Variants in CSMD1 observed in about 807,000 individuals in gnomAD.
The protein encoded by CSMD1 is CUB and sushi domain-containing protein 1.
In CSMD1, 213 loss-of-function variants were observed where a neutral mutation model predicts 417.5. The ratio of observed to expected loss-of-function variants is 0.51; its 90% CI spans 0.46 to 0.57. The LOEUF (loss-of-function observed/expected upper bound fraction) is 0.57, where lower values mean the gene tolerates loss of function less well. Among genes scored for constraint, CSMD1 ranks in the 20% least tolerant of loss-of-function variants. The pLI, the probability that CSMD1 is intolerant of heterozygous loss-of-function variation, is 0.00. For missense variants in CSMD1, 6,923 were observed against 4,529.7 expected, an observed-to-expected ratio of 1.53 and a Z score of -15.17; for synonymous variants, 2,862 against 1,736.8, an observed-to-expected ratio of 1.65 and a Z score of -16.11.
chr8:3,984,739 A>G (rs1245142743), intron 5 of CSMD1, among the ~76,000 whole-genome samples: 1 of 109,780 alleles, frequency 9.1e-6, no homozygotes, highest in Non-Finnish European at 1.9e-5. Flanking sequence ...ATATATATAT[A>G]TATATATATA....
chr8:4,024,809 CTGAG>C (rs1445889910), intron 4 of CSMD1, among the ~76,000 whole-genome samples: 2 of 152,168 alleles, frequency 1.3e-5, no homozygotes, highest in African/African-American at 4.8e-5. Flanking sequence ...TGGGAACTTC[CTGAG>C]TATGACTTCA....
At chr8:3,756,161 C>T (rs1347720682) in intron 5 of CSMD1, among the ~76,000 whole-genome samples, 1 of 151,826 alleles carries the variant, frequency 6.6e-6, no homozygotes, top group Admixed American at 6.6e-5. Flanking sequence ...TCGAGACCAT[C>T]ATGGCAACGG....
At chr8:4,334,951 C>G (rs932307350) in intron 3 of CSMD1, among the ~76,000 whole-genome samples, 8 of 152,110 alleles carry the variant, frequency 5.3e-5, no homozygotes, top group African/African-American at 1.9e-4. Context: ...GCTACATCCT[C>G]ACATGACAGT....
intron 4 of CSMD1, among the ~76,000 whole-genome samples, chr8:4,012,139 C>T (rs1173033764): frequency 6.6e-6 from 1 of 152,056 alleles, no homozygotes; most frequent in Non-Finnish European, 1.5e-5. Flanking sequence ...ATATATTTTT[C>T]ATCCACATTT....
At chr8:3,709,510 C>G (rs1023859439) in intron 6 of CSMD1, among the ~76,000 whole-genome samples, 1 of 151,846 alleles carries the variant, frequency 6.6e-6, no homozygotes, top group Admixed American at 6.6e-5. Flanking sequence ...GTGAGAATGT[C>G]ATGGATGATA....
chr8:2,988,330 C>T (rs1806103633), intron 54 of CSMD1, among the ~76,000 whole-genome samples: 2 of 151,752 alleles, frequency 1.3e-5, no homozygotes, highest in Non-Finnish European at 2.9e-5. Context: ...TGTCTAAACA[C>T]CCAATCCTAT....
chr8:4,354,240 C>T (rs1216930979), intron 3 of CSMD1, among the ~76,000 whole-genome samples: 2 of 152,100 alleles, frequency 1.3e-5, no homozygotes, highest in African/African-American at 2.4e-5. Context: ...TCCACCTTAC[C>T]AACAACATTG....
chr8:3,574,437 G>A (rs1800063960), intron 10 of CSMD1, among the ~76,000 whole-genome samples: 1 of 152,044 alleles, frequency 6.6e-6, no homozygotes, highest in African/African-American at 2.4e-5. Flanking sequence ...GTAGAGATGG[G>A]GTTTCACCAT....
At chr8:3,763,371 G>A (rs949673053) in intron 5 of CSMD1, among the ~76,000 whole-genome samples, 1 of 152,130 alleles carries the variant, frequency 6.6e-6, no homozygotes. Flanking sequence ...TGAATGAATG[G>A]CTGGTGCCTT....
At chr8:3,461,860 G>A (rs926182263) in intron 12 of CSMD1, among the ~76,000 whole-genome samples, 2 of 152,204 alleles carry the variant, frequency 1.3e-5, no homozygotes, top group Admixed American at 6.5e-5. Flanking sequence ...CAGAGACCGA[G>A]GCCCTGTGAG....
In CSMD1 at chr8:4,164,992, T is replaced by C. The variant is rs147715057; in HGVS notation, c.416-132893A>G. Among the ~76,000 whole-genome samples the C allele has an allele frequency of 3.3e-5, 5 of 152,084 alleles. No homozygotes were observed. The East Asian group carries it at 5.8e-4, about 18-fold the overall frequency. ...AGGAATTTTTATAATTATTGTAGAG[T>C]TTCCTATGTTCTTGTATGTTTTTGT... is the stretch of plus-strand genomic sequence containing the variant. On this transcript the variant is annotated intron_variant, in intron 3 of 69. Transcript: ENST00000635120.
At chr8:3,493,876 A>G in intron 10 of CSMD1, 150 bp from the exon 11 acceptor site, 1 of 548,206 alleles carries the variant, frequency 1.8e-6, no homozygotes, top group Non-Finnish European at 3.2e-6. Flanking sequence ...AGTTACATGG[A>G]TAATTATATA....
intron 7 of CSMD1, among the ~76,000 whole-genome samples, chr8:3,698,588 A>T (rs1429282866): frequency 5.3e-5 from 8 of 152,172 alleles, no homozygotes; most frequent in Non-Finnish European, 7.4e-5. Context: ...TACCATTCAG[A>T]TAAATCACAC....
At chr8:4,754,045 C>T (rs1003612105) in intron 1 of CSMD1, among the ~76,000 whole-genome samples, 2 of 151,924 alleles carry the variant, frequency 1.3e-5, no homozygotes, top group African/African-American at 4.8e-5. Flanking sequence ...ATTGACATAA[C>T]ATAAAAGGAA....
At chr8:4,176,668 C>T (rs1001600360) in intron 3 of CSMD1, among the ~76,000 whole-genome samples, 1 of 151,490 alleles carries the variant, frequency 6.6e-6, no homozygotes, top group Non-Finnish European at 1.5e-5. Context: ...CATCAGTGTG[C>T]TGTATTCAGG....
At chr8:4,203,368 T>C (rs1406240258) in intron 3 of CSMD1, among the ~76,000 whole-genome samples, 13 of 152,182 alleles carry the variant, frequency 8.5e-5, no homozygotes, top group Middle Eastern at 3.4e-3. Context: ...TTCCAACCTG[T>C]GGAAATATGA....
chr8:3,985,095 G>A (rs1004609148), intron 5 of CSMD1, among the ~76,000 whole-genome samples: 1 of 151,916 alleles, frequency 6.6e-6, no homozygotes, highest in Non-Finnish European at 1.5e-5. Context: ...GTTACTTAGG[G>A]GGGACTTGTC....
chr8:4,136,887 C>T (rs1002796340), intron 3 of CSMD1, among the ~76,000 whole-genome samples: 2 of 152,164 alleles, frequency 1.3e-5, no homozygotes, highest in East Asian at 1.9e-4. Context: ...AGAACAGAAA[C>T]TTAACAAAGA....
chr8:4,353,754 T>G (rs1255619151), intron 3 of CSMD1, among the ~76,000 whole-genome samples: 1 of 152,162 alleles, frequency 6.6e-6, no homozygotes, highest in Non-Finnish European at 1.5e-5. Context: ...GATTTCTTTT[T>G]TTGCCCTTCA....
Sources: allele counts gnomAD v4.1 joint callset (sites outside exome capture counted in the v4.1 genomes callset), GRCh38; gene constraint gnomAD v4.1.1; transcripts MANE v1.5; gene names NCBI Gene and HGNC (gene_info 2026-07-23, HGNC 2026-07-21).